SGCZ: variants seen among roughly 807,000 people sequenced by gnomAD.
SGCZ encodes sarcoglycan zeta, also known as zeta-sarcoglycan.
Under a neutral mutation model 41.3 loss-of-function variants are expected in SGCZ, and 40 were observed. That is an observed-to-expected ratio of 0.97 (90% CI 0.75 to 1.26). The LOEUF is 1.26. Ranked by LOEUF, SGCZ falls within the 50% of genes most tolerant of loss-of-function variation. The pLI, the probability that SGCZ is intolerant of heterozygous loss-of-function variation, is 0.00. For synonymous variants in SGCZ, 206 were observed against 137.5 expected, an observed-to-expected ratio of 1.50 and a Z score of -3.49; for missense variants, 552 against 369.8, an observed-to-expected ratio of 1.49 and a Z score of -4.04.
At chr8:15,056,471 C>A (rs79904406) in intron 1 of SGCZ, among the ~76,000 whole-genome samples, 649 of 151,754 alleles carry the variant, frequency 4.3e-3, no homozygotes, top group South Asian at 0.01. Flanking sequence ...AAAAAACTCA[C>A]TATTAATGAA....
chr8:14,501,559 A>T (rs1254021372), intron 2 of SGCZ, among the ~76,000 whole-genome samples: 3 of 151,794 alleles, frequency 2.0e-5, no homozygotes, highest in Non-Finnish European at 2.9e-5. Flanking sequence ...TGTAAACTTG[A>T]CTGCTTTTCA....
At chr8:14,234,392 GC>G (rs1806682378) in intron 4 of SGCZ, among the ~76,000 whole-genome samples, 1 of 151,926 alleles carries the variant, frequency 6.6e-6, no homozygotes, top group South Asian at 2.1e-4. Context: ...ATGGATATTC[GC>G]TTTGCTGAAA....
At position 14,965,648 on chromosome 8, in the gene SGCZ, G is replaced by A. The variant is rs956570494; in HGVS notation, c.39+271937C>T. Among the ~76,000 whole-genome samples the A allele has an allele frequency of 1.3e-5, 2 of 151,968 alleles. 1 individual carries two copies. The highest frequency in any genetic ancestry group is 3.9e-4 in the East Asian group (2 of 5,188). Reference sequence around the variant, plus strand: ...CAGTCTTAATCAAGATATTAACATAGCATTTTTATAAATCAATACATTAAG... The same window carrying A: ...CAGTCTTAATCAAGATATTAACATAACATTTTTATAAATCAATACATTAAG... On this transcript the variant is annotated intron_variant, in intron 1 of 7. Transcript: ENST00000382080.
At chr8:14,781,480 C>T (rs1284828730) in intron 1 of SGCZ, among the ~76,000 whole-genome samples, 3 of 152,112 alleles carry the variant, frequency 2.0e-5, no homozygotes, top group Admixed American at 2.0e-4. Flanking sequence ...CTGCCCATCT[C>T]GGCCTCCCAA....
chr8:14,203,897 A>G (rs1805534774), intron 4 of SGCZ, among the ~76,000 whole-genome samples: 1 of 152,160 alleles, frequency 6.6e-6, no homozygotes, highest in South Asian at 2.1e-4. Context: ...TGGGGGAAAG[A>G]GTGCTCCAAA....
intron 1 of SGCZ, among the ~76,000 whole-genome samples, chr8:14,655,335 T>C (rs574761926): frequency 6.6e-4 from 100 of 152,226 alleles, no homozygotes; most frequent in Non-Finnish European, 1.3e-3. Context: ...AGTATCAAAA[T>C]ATTTAATTGA....
At chr8:14,708,318 C>G (rs1012098077) in intron 1 of SGCZ, among the ~76,000 whole-genome samples, 7 of 151,816 alleles carry the variant, frequency 4.6e-5, no homozygotes, top group African/African-American at 1.7e-4. Flanking sequence ...ACAGAAATCT[C>G]TTGAGATAGT....
At chr8:14,317,463 A>G (rs1332517278) in intron 3 of SGCZ, among the ~76,000 whole-genome samples, 1 of 152,012 alleles carries the variant, frequency 6.6e-6, no homozygotes, top group African/African-American at 2.4e-5. Flanking sequence ...CACAGAAATA[A>G]TAAAATTTCA....
At chr8:14,228,650 TG>T (rs1005379264) in intron 4 of SGCZ, among the ~76,000 whole-genome samples, 14 of 152,108 alleles carry the variant, frequency 9.2e-5, no homozygotes, top group African/African-American at 3.4e-4. Flanking sequence ...TATAAGGAGA[TG>T]GGGGCGGCCT....
intron 1 of SGCZ, among the ~76,000 whole-genome samples, chr8:14,576,774 G>A (rs1055481710): frequency 2.0e-5 from 3 of 152,130 alleles, no homozygotes; most frequent in South Asian, 2.1e-4. Context: ...TTGGAAACAT[G>A]AGCAGATGCA....
chr8:14,104,346 C>T (rs1300433461), intron 6 of SGCZ, among the ~76,000 whole-genome samples: 2 of 151,788 alleles, frequency 1.3e-5, no homozygotes, highest in Non-Finnish European at 2.9e-5. Flanking sequence ...CCTGGTTTTT[C>T]AAAGCATTCT....
chr8:14,617,239 C>T (rs989554455), intron 1 of SGCZ, among the ~76,000 whole-genome samples: 6 of 152,018 alleles, frequency 3.9e-5, no homozygotes, highest in African/African-American at 1.4e-4. Context: ...TTATACTTAG[C>T]ATATTCATAT....
chr8:14,464,763 A>G (rs77609377), intron 2 of SGCZ, among the ~76,000 whole-genome samples: 6,270 of 151,592 alleles, frequency 0.041, 408 homozygotes, highest in African/African-American at 0.14. Flanking sequence ...ATTTTGGTGT[A>G]TTCTTTAAGT....
At chr8:14,711,131 T>A (rs997038537) in intron 1 of SGCZ, among the ~76,000 whole-genome samples, 31 of 152,170 alleles carry the variant, frequency 2.0e-4, no homozygotes, top group African/African-American at 7.0e-4. Context: ...GACACAGCAC[T>A]AGAAATAGAA....
intron 1 of SGCZ, among the ~76,000 whole-genome samples, chr8:14,737,393 T>C (rs1233125449): frequency 6.6e-6 from 1 of 152,050 alleles, no homozygotes; most frequent in Non-Finnish European, 1.5e-5. Context: ...GATTGAAATC[T>C]AGTTAAGTTG....
chr8:14,620,721 A>C (rs376957983), intron 1 of SGCZ, among the ~76,000 whole-genome samples: 2 of 152,204 alleles, frequency 1.3e-5, no homozygotes, highest in South Asian at 2.1e-4. Context: ...GAGAAATGCA[A>C]ATCAAAACCA....
chr8:14,530,966 C>A (rs1366619839), intron 2 of SGCZ, among the ~76,000 whole-genome samples: 1 of 151,962 alleles, frequency 6.6e-6, no homozygotes, highest in African/African-American at 2.4e-5. Flanking sequence ...CAGACAAGTT[C>A]CCAGGTGGAC....
At chr8:14,294,116 C>A (rs1427012) in intron 3 of SGCZ, among the ~76,000 whole-genome samples, 149,035 of 151,886 alleles carry the variant, frequency 0.98, 73,187 homozygotes, top group East Asian at 1. Context: ...AGACATTACG[C>A]GTAATTTTGT....
chr8:14,900,435 C>T (rs1268821784), intron 1 of SGCZ, among the ~76,000 whole-genome samples: 3 of 152,060 alleles, frequency 2.0e-5, no homozygotes, highest in Non-Finnish European at 4.4e-5. Context: ...GACCCAATAG[C>T]GGTATTCTGT....
Sources: allele counts gnomAD v4.1 joint callset (sites outside exome capture counted in the v4.1 genomes callset), GRCh38; gene constraint gnomAD v4.1.1; transcripts MANE v1.5; gene names NCBI Gene and HGNC (gene_info 2026-07-23, HGNC 2026-07-21).